EVI5L: variants seen among roughly 807,000 people sequenced by gnomAD.
EVI5L encodes ecotropic viral integration site 5 like, also known as EVI5-like protein.
In EVI5L, 30 loss-of-function variants were observed where a neutral mutation model predicts 106.1. The ratio of observed to expected loss-of-function variants is 0.28; its 90% confidence interval spans 0.21 to 0.38. The LOEUF (loss-of-function observed/expected upper bound fraction) is 0.38. Among genes scored for constraint, EVI5L ranks in the 10% least tolerant of loss-of-function variants. The pLI, the probability that EVI5L is intolerant of heterozygous loss-of-function variation, is 1.00. For missense variants in EVI5L, 809 were observed against 1,098.0 expected (o/e 0.74, Z 3.72); for synonymous variants, 489 against 483.3 (o/e 1.01, Z -0.15).
chr19:7,831,632 C>A (rs1036233155), intron 1 of EVI5L, among the ~76,000 whole-genome samples: 2 of 152,216 alleles, frequency 1.3e-5, no homozygotes, highest in Admixed American at 1.3e-4. Flanking sequence ...AAGGGAAGGA[C>A]GCTCACTTTC....
chr19:7,864,213 C>A lies in EVI5L; in HGVS notation c.*511C>A, dbSNP rs1980009923. On this transcript the variant is annotated 3_prime_UTR_variant, in exon 20 of 20. Transcript: ENST00000538904. This position sits in a 1 kb window ranked among gnomAD's most constrained non-coding sequence, Gnocchi z 4.5. ...GAAGTGACCCTTGACTAGCCCCTGG[C>A]CATCTCTAGGGGAGTCAGGCCGCTG... 6.5e-6 allele frequency: 1 copy of A among 153,484 alleles called. No individual in the cohort carries two copies. The allele number at this position is 153,484 out of a possible 1,614,324, so 9.5% of individuals were successfully genotyped here. A position where few individuals can be genotyped will look rare whatever the true frequency, so the allele number is the denominator to read the frequency against.
chr19:7,863,062 A>C lies in EVI5L; in HGVS notation c.2038A>C (p.Ile680Leu). ...GCGGCAGCGCATTGCCGAGCTGGAG[A>C]TCCAGGTGATCGGCGGGGCCGGGGT... ...EMRQRIAELE[I>L]QREEGRIQGQ... Residue 680 changes from isoleucine to leucine, a missense_variant, in exon 18 of 20, where the codon ATC (isoleucine) becomes CTC (leucine). Around this residue, in one of 2 missense-constraint regions of EVI5L, gnomAD observed 452 missense variants for 509.9 expected, o/e 0.89. Transcript: ENST00000538904. This position sits in a 1 kb window ranked among gnomAD's most constrained non-coding sequence, Gnocchi z 7.7. 6.7e-7 allele frequency: 1 copy of C among 1,484,948 alleles called. No individual in the cohort carries two copies. The highest frequency in any genetic ancestry group is 9.1e-7 in the Non-Finnish European group (1 of 1,095,510). 92.0% of individuals were successfully genotyped at this position (1,484,948 alleles called of 1,614,324 possible). A position where few individuals can be genotyped will look rare whatever the true frequency, so the allele number is the denominator to read the frequency against.
intron 1 of EVI5L, among the ~76,000 whole-genome samples, chr19:7,833,342 C>T (rs562949510): frequency 1.3e-5 from 2 of 152,368 alleles, no homozygotes; most frequent in East Asian, 1.9e-4. Context: ...CGGCGGCCCC[C>T]GCCATGTGCT....
At chr19:7,855,303 G>A (rs1979467655) in intron 10 of EVI5L, among the ~76,000 whole-genome samples, 1 of 151,716 alleles carries the variant, frequency 6.6e-6, no homozygotes, top group Admixed American at 6.6e-5. Context: ...TTTAGTAGAG[G>A]CTGGTCTCGA....
chr19:7,858,630 CTG>C lies in EVI5L; in HGVS notation c.1374+303_1374+304del. 2.3e-6 allele frequency: 1 copy of C among 434,590 alleles called. No individual in the cohort carries two copies. The highest frequency in any genetic ancestry group is 4.1e-6 in the Non-Finnish European group (1 of 241,174). The allele number at this position is 434,590 out of a possible 1,614,324, so 26.9% of individuals were successfully genotyped here. A position where few individuals can be genotyped will look rare whatever the true frequency, so the allele number is the denominator to read the frequency against. ...CCGGGCTGTCCCTGCAGGGTTTCCT[CTG>C]TGTCACAGGCAGCAGACAGGGCTGT... On this transcript the variant is annotated intron_variant, in intron 13 of 19. Transcript: ENST00000538904. The surrounding 1 kb of genome is among the most constrained non-coding windows in gnomAD (Gnocchi z 5.7).
intron 5 of EVI5L, 109 bp downstream of exon 5, chr19:7,849,439 G>T: frequency 1.7e-6 from 2 of 1,196,948 alleles, no homozygotes; most frequent in Non-Finnish European, 2.4e-6. Context: ...GTCTTGCTAG[G>T]GGTAGATCCT....
At chr19:7,855,584 TG>T (rs1290407268) in intron 10 of EVI5L, among the ~76,000 whole-genome samples, 3 of 152,176 alleles carry the variant, frequency 2.0e-5, no homozygotes, top group Non-Finnish European at 4.4e-5. Flanking sequence ...AAGAGGAGCC[TG>T]CCCCCGGAAT....
At chr19:7,832,283 G>T (rs1270197068) in intron 1 of EVI5L, among the ~76,000 whole-genome samples, 2 of 152,222 alleles carry the variant, frequency 1.3e-5, no homozygotes, top group Non-Finnish European at 1.5e-5. Flanking sequence ...CTGTGGCCAG[G>T]ACTGCAGGGG....
rs1441873672 is a variant in EVI5L, at chr19:7,862,242, G to A, written c.1765G>A (p.Glu589Lys). The A allele has an allele frequency of 4.4e-6, 7 of 1,575,024 alleles. 1 individual carries two copies. The highest frequency in any genetic ancestry group is 6.0e-6 in the Non-Finnish European group (7 of 1,160,978). The change falls in exon 16 of 20, where the codon GAG becomes AAG. Residue 589 changes from glutamate to lysine, a missense_variant. By Grantham distance (56) the Glu-to-Lys change is moderately conservative. Transcript: ENST00000538904. ...REAQALAEGRELRQRVVELET... is the reference protein window; with the variant it reads ...REAQALAEGRKLRQRVVELET... The stretch of plus-strand genomic sequence containing the variant: ...GGCCCAGGCCCTGGCCGAGGGCCGC[G>A]AGCTGCGGCAGCGCGTGGTGGAACT...
chr19:7,862,934 T>C (rs1416881749), intron 17 of EVI5L, 38 bp from the exon 18 acceptor site: 27 of 846,594 alleles, frequency 3.2e-5, no homozygotes, highest in Middle Eastern at 3.7e-4. Context: ...CCGCGCCCCC[T>C]GACCCGCCCT....
chr19:7,837,149 G>A (rs1352729504), intron 1 of EVI5L, among the ~76,000 whole-genome samples: 2 of 151,460 alleles, frequency 1.3e-5, no homozygotes, highest in African/African-American at 4.8e-5. Context: ...TGGCCAACAT[G>A]GTGAAACCCC....
At chr19:7,852,736 T>G in intron 8 of EVI5L, 2 of 231,274 alleles carry the variant, frequency 8.6e-6, no homozygotes, top group Non-Finnish European at 1.7e-5. Flanking sequence ...TTTTCAGAAA[T>G]GGGGTCTCAC....
In EVI5L at chr19:7,857,452, G is replaced by A. The variant is rs1398947114; in HGVS notation, c.1233+328G>A. 1.9e-6 allele frequency: 1 copy of A among 524,964 alleles called. No individual in the cohort carries two copies. The highest frequency in any genetic ancestry group is 3.5e-6 in the Non-Finnish European group (1 of 288,608). The allele number at this position is 524,964 out of a possible 1,614,324, so 32.5% of individuals were successfully genotyped here. On this transcript the variant is annotated intron_variant, in intron 12 of 19. Coordinates refer to ENST00000538904, the MANE Select transcript of EVI5L (RefSeq NM_001159944.3). This position sits in a 1 kb window ranked among gnomAD's most constrained non-coding sequence, Gnocchi z 4.5. ...TAAAACCATATTCACATAAGGCCCT[G>A]GTGTGTGCAGTGCTGCGGTCACACA...
intron 2 of EVI5L, among the ~76,000 whole-genome samples, 185 bp downstream of exon 2, chr19:7,846,864 C>T (rs1978975743): frequency 6.6e-6 from 1 of 152,184 alleles, no homozygotes; most frequent in African/African-American, 2.4e-5. Context: ...TATATGTGTC[C>T]CCACCCTGTT....
In EVI5L at chr19:7,856,284, G is replaced by A. The variant is rs1162087404; in HGVS notation, c.1200+216G>A. On this transcript the variant is annotated intron_variant, in intron 11 of 19. Transcript: ENST00000538904. The surrounding 1 kb of genome is among the most constrained non-coding windows in gnomAD (Gnocchi z 6.6). The stretch of plus-strand genomic sequence containing the variant: ...TGGTGATTAATCCTGGAGTGGGGGC[G>A]AGTTACAACCCAGTGGCCTGCAGCC... Among the ~76,000 whole-genome samples the A allele has an allele frequency of 6.6e-6, 1 of 152,024 alleles. No individual in the cohort carries two copies. Among genetic ancestry groups the A allele is most frequent in the African/African-American group, 2.4e-5 (1 of 41,386 alleles).
chr19:7,850,209 A>G lies in EVI5L; in HGVS notation c.753+87A>G. On this transcript the variant is annotated intron_variant, in intron 6 of 19. Coordinates refer to ENST00000538904, the MANE Select transcript of EVI5L (RefSeq NM_001159944.3). The surrounding 1 kb of genome is among the most constrained non-coding windows in gnomAD (Gnocchi z 5.4). ...CAAGGGAGCAGGATCGCAGAAGGGC[A>G]GGGCTGGCACCCTAGACCATACCCG... 3 of 1,511,660 alleles carry G rather than the reference A, an allele frequency of 2.0e-6. No individual in the cohort carries two copies. Among genetic ancestry groups the G allele is most frequent in the Non-Finnish European group, 2.7e-6 (3 of 1,128,658 alleles). The allele number at this position is 1,511,660 out of a possible 1,614,324, so 93.6% of individuals were successfully genotyped here.
At chr19:7,832,448 T>C (rs1978297568) in intron 1 of EVI5L, among the ~76,000 whole-genome samples, 1 of 152,196 alleles carries the variant, frequency 6.6e-6, no homozygotes, top group Non-Finnish European at 1.5e-5. Flanking sequence ...AGGAAAAAGC[T>C]CATTGCGGCT....
rs1347185311 is a variant in EVI5L, at chr19:7,864,846, C to T, written c.*1144C>T. Reference sequence around the variant, plus strand: ...TGCCCACTTTTCAGTGTTACGAAGCCTGGGGACCGGGGCAGGCACCCACGG... The same window carrying T: ...TGCCCACTTTTCAGTGTTACGAAGCTTGGGGACCGGGGCAGGCACCCACGG... On this transcript the variant is annotated 3_prime_UTR_variant, in exon 20 of 20. Transcript: ENST00000538904. The surrounding 1 kb of genome is among the most constrained non-coding windows in gnomAD (Gnocchi z 4.5). The T allele has an allele frequency of 1.3e-5, 2 of 152,510 alleles. No individual in the cohort carries two copies. The highest frequency in any genetic ancestry group is 4.8e-5 in the African/African-American group (2 of 41,472). The allele number at this position is 152,510 out of a possible 1,614,324, so 9.4% of individuals were successfully genotyped here.
chr19:7,830,740 C>T (rs1420245703), intron 1 of EVI5L, among the ~76,000 whole-genome samples: 1 of 143,420 alleles, frequency 7.0e-6, no homozygotes, highest in Non-Finnish European at 1.5e-5. Flanking sequence ...CGATCAGCCC[C>T]TCAGAAGCGC....
Sources: allele counts gnomAD v4.1 joint callset (sites outside exome capture counted in the v4.1 genomes callset), GRCh38; gene constraint gnomAD v4.1.1; regional missense constraint gnomAD v4.1.1; non-coding constraint Gnocchi (gnomAD v3.1); transcripts MANE v1.5; gene names NCBI Gene and HGNC (gene_info 2026-07-23, HGNC 2026-07-21).